The following LRRC39 variants were observed in gnomAD, a reference collection of about 807,000 sequenced individuals.
The protein encoded by LRRC39 is leucine rich repeat containing 39.
Under a neutral mutation model 39.7 loss-of-function variants are expected in LRRC39, and 35 were observed. The observed-to-expected ratio is 0.88, with a 90% CI of 0.67 to 1.17. LRRC39 has a LOEUF of 1.17. Ranked by LOEUF, LRRC39 falls within the 50% of genes most tolerant of loss-of-function variation. The probability of loss-of-function intolerance (pLI) is 0.00; values close to 1 mark genes in which losing one functional copy is unlikely to be tolerated. For missense variants in LRRC39, 357 were observed against 385.8 expected, an observed-to-expected ratio of 0.93 and a Z score of 0.62; for synonymous variants, 113 against 134.1, an observed-to-expected ratio of 0.84 and a Z score of 1.09.
intron 8 of LRRC39, among the ~76,000 whole-genome samples, chr1:100,153,539 A>C (rs918693258): frequency 6.6e-6 from 1 of 152,212 alleles, no homozygotes; most frequent in Non-Finnish European, 1.5e-5. Context: ...AATATATGTA[A>C]ATTATACATC....
Position 100,159,290 on chromosome 1 carries a change from T to C in LRRC39, c.345A>G (p.Arg115=), listed in dbSNP as rs767432652. 8 of 1,606,962 alleles carry C rather than the reference T, an allele frequency of 5.0e-6. No homozygotes were observed. The Admixed American group carries it at 8.5e-5, about 17-fold the overall frequency. ...FQNLIVLDLS[R]NTISEIPPGI... ...CTGGTGGTATCTCTGAAATTGTGTT[T>C]CGAGATAAATCTAACACAATGAGGT... The change falls in exon 5 of 10, where the codon CGA becomes CGG. Residue 115 remains arginine (R), a synonymous_variant. Transcript: ENST00000370137.
intron 2 of LRRC39, among the ~76,000 whole-genome samples, chr1:100,171,336 T>A (rs1187997546): frequency 6.6e-6 from 1 of 152,056 alleles, no homozygotes; most frequent in African/African-American, 2.4e-5. Flanking sequence ...AAAAATCTCA[T>A]ATTGGGGTCA....
chr1:100,165,419 A>C (rs1224065357), intron 3 of LRRC39, among the ~76,000 whole-genome samples: 1 of 152,102 alleles, frequency 6.6e-6, no homozygotes, highest in African/African-American at 2.4e-5. Context: ...CCTTTTATCA[A>C]AACTTTAGCC....
At chr1:100,155,652 A>G (rs2101768942) in intron 7 of LRRC39, among the ~76,000 whole-genome samples, 1 of 152,338 alleles carries the variant, frequency 6.6e-6, no homozygotes, top group Admixed American at 6.5e-5. Flanking sequence ...CAGAGTCTTA[A>G]GAGAACAATA....
chr1:100,173,621 G>A (rs1659774880), intron 1 of LRRC39, among the ~76,000 whole-genome samples: 1 of 152,022 alleles, frequency 6.6e-6, no homozygotes, highest in South Asian at 2.1e-4. Flanking sequence ...TCTACCCATT[G>A]CATAAAAGCA....
chr1:100,157,079 ATATT>A (rs1658515729), intron 6 of LRRC39, among the ~76,000 whole-genome samples: 1 of 152,162 alleles, frequency 6.6e-6, no homozygotes, highest in Admixed American at 6.5e-5. Flanking sequence ...TAGAAATAAA[ATATT>A]TATTGGCCCT....
At chr1:100,156,563 C>T (rs939717046) in intron 6 of LRRC39, among the ~76,000 whole-genome samples, 4 of 152,184 alleles carry the variant, frequency 2.6e-5, no homozygotes, top group Non-Finnish European at 5.9e-5. Flanking sequence ...AACCTGGTTT[C>T]AGGGTTTATA....
intron 1 of LRRC39, among the ~76,000 whole-genome samples, chr1:100,177,261 A>G (rs1044537714): frequency 1.3e-5 from 2 of 152,228 alleles, no homozygotes; most frequent in Non-Finnish European, 2.9e-5. Context: ...TCTAGGGAGC[A>G]GGACTGGTGA....
At chr1:100,166,031 T>C (rs939181739) in intron 3 of LRRC39, among the ~76,000 whole-genome samples, 12 of 152,080 alleles carry the variant, frequency 7.9e-5, no homozygotes, top group Non-Finnish European at 1.2e-4. Context: ...TGAGCCACCA[T>C]GTCTGGCTGA....
At chr1:100,169,271 A>C (rs1187079994) in intron 2 of LRRC39, among the ~76,000 whole-genome samples, 1 of 152,106 alleles carries the variant, frequency 6.6e-6, no homozygotes, top group Non-Finnish European at 1.5e-5. Flanking sequence ...CAGGAATGCA[A>C]AGACATTCAC....
Position 100,155,126 on chromosome 1 carries a change from T to G in LRRC39, c.737A>C (p.Asn246Thr). The G allele has an allele frequency of 6.2e-7, 1 of 1,611,600 alleles. No homozygotes were observed. Among genetic ancestry groups the G allele is most frequent in the African/African-American group, 1.3e-5 (1 of 74,916 alleles). Residue 246 changes from asparagine (N) to threonine (T), a missense_variant, in exon 8 of 10, where the codon AAT becomes ACT. Coordinates refer to ENST00000370137, the MANE Select transcript of LRRC39 (RefSeq NM_144620.4). ...GTTGCTGAGAACAAGAGTACCCAGA[T>G]TTTTCATATTGCTGATTGTTTGAGG... The part of the protein sequence containing the change: ...CLPQTISNMK[N>T]LGTLVLSNNK...
chr1:100,148,566 A>T lies in LRRC39; in HGVS notation c.*476T>A. ...CTCTCAATAAATAGTGACAAAAATA[A>T]TTTTTTATAAACTTTTGCAAAATTT... On this transcript the variant is annotated 3_prime_UTR_variant, in exon 10 of 10. Transcript: ENST00000370137. The T allele has an allele frequency of 5.4e-6, 8 of 1,469,130 alleles. No individual in the cohort carries two copies. Among genetic ancestry groups the T allele is most frequent in the Non-Finnish European group, 7.5e-6 (8 of 1,073,196 alleles). The allele number at this position is 1,469,130 out of a possible 1,614,324, so 91.0% of individuals were successfully genotyped here.
In LRRC39 at chr1:100,168,477, C is replaced by T. The variant is rs1468777192; in HGVS notation, c.40G>A (p.Val14Ile). Residue 14 changes from valine to isoleucine, a missense_variant, in exon 3 of 10, where the codon GTA (valine) becomes ATA (isoleucine). Physicochemically the swap from Val to Ile is conservative, Grantham distance 29. Transcript: ENST00000370137. Reference sequence around the variant, plus strand: ...ATTCTTTTTTCCCAAACTTCCTTTACAGCATTGACAGCCCCAGTACAAACC... The same window carrying T: ...ATTCTTTTTTCCCAAACTTCCTTTATAGCATTGACAGCCCCAGTACAAACC... ...NVVCTGAVNAVKEVWEKRIKK... is the reference protein window; with the variant it reads ...NVVCTGAVNAIKEVWEKRIKK... The T allele has an allele frequency of 1.2e-6, 2 of 1,612,372 alleles. No homozygotes were observed. Among genetic ancestry groups the T allele is most frequent in the East Asian group, 2.2e-5 (1 of 44,760 alleles).
At position 100,152,399 on chromosome 1, in the gene LRRC39, G is replaced by A; in HGVS notation, c.938C>T (p.Ser313Leu). The change falls in exon 9 of 10, where the codon TCA (serine) becomes TTA (leucine). Residue 313 changes from serine (S) to leucine (L), a missense_variant. Physicochemically the swap from Ser to Leu is moderately radical, Grantham distance 145 (BLOSUM62 -2). Coordinates refer to ENST00000370137, the MANE Select transcript of LRRC39 (RefSeq NM_144620.4). Reference sequence around the variant, plus strand: ...AAATCTTATACCTGCTCTTCTCCGTGACTCTTGTATGTATGTGTGCATAAA... The same window carrying A: ...AAATCTTATACCTGCTCTTCTCCGTAACTCTTGTATGTATGTGTGCATAAA... ...LQFMHTYIQESRRRADHQVNG... is the reference protein window; with the variant it reads ...LQFMHTYIQELRRRADHQVNG... 6.2e-7 allele frequency: 1 copy of A among 1,613,660 alleles called. No homozygotes were observed. The highest frequency in any genetic ancestry group is 8.5e-7 in the Non-Finnish European group (1 of 1,179,854).
Position 100,159,325 on chromosome 1 carries a change from T to C in LRRC39, c.310A>G (p.Arg104Gly), listed in dbSNP as rs755462063. 1.4e-5 allele frequency: 22 copies of C among 1,611,344 alleles called. No homozygotes were observed. The highest frequency in any genetic ancestry group is 1.7e-5 in the Non-Finnish European group (20 of 1,178,750). Residue 104 changes from arginine (R) to glycine (G), a missense_variant, in exon 5 of 10, where the codon AGA becomes GGA. By Grantham distance (125) the Arg-to-Gly change is moderately radical. Coordinates refer to ENST00000370137, the MANE Select transcript of LRRC39 (RefSeq NM_144620.4). ...GLLKIPEFIGRFQNLIVLDLS... is the reference protein window; with the variant it reads ...GLLKIPEFIGGFQNLIVLDLS... ...TCTAACACAATGAGGTTCTGGAATC[T>C]TCCAATGAATTCAGGAATTTTCAGC...
Position 100,168,419 on chromosome 1 carries a change from T to G in LRRC39, c.98A>C (p.Lys33Thr), listed in dbSNP as rs778809327. 2.5e-6 allele frequency: 4 copies of G among 1,606,666 alleles called. No individual in the cohort carries two copies. The highest frequency in any genetic ancestry group is 2.2e-5 in the East Asian group (1 of 44,684). The change falls in exon 3 of 10, where the codon AAG (lysine) becomes ACG (threonine). Residue 33 changes from lysine (K) to threonine (T), a missense_variant. Coordinates refer to ENST00000370137, the MANE Select transcript of LRRC39 (RefSeq NM_144620.4). Reference sequence around the variant, plus strand: ...TTTAGCATACTTGTGTTGAAATTCCTTCTCTCGCTTCAGGTCTTCATTGAG... The same window carrying G: ...TTTAGCATACTTGTGTTGAAATTCCGTCTCTCGCTTCAGGTCTTCATTGAG... ...KKLNEDLKRE[K>T]EFQHKLVRIW...
At chr1:100,175,483 T>C (rs1659894910) in intron 1 of LRRC39, among the ~76,000 whole-genome samples, 1 of 152,026 alleles carries the variant, frequency 6.6e-6, no homozygotes. Flanking sequence ...CTGCTGTGCC[T>C]GGCCAGTTAT....
intron 9 of LRRC39, chr1:100,149,411 C>G (rs1386469167): frequency 6.5e-7 from 1 of 1,543,816 alleles, no homozygotes; most frequent in Non-Finnish European, 8.7e-7. Flanking sequence ...CAGAATCTGT[C>G]CATGACAAAC....
intron 2 of LRRC39, 81 bp downstream of exon 2, chr1:100,173,250 C>G (rs532305432): frequency 6.7e-6 from 1 of 149,462 alleles, no homozygotes; most frequent in African/African-American, 2.5e-5. Flanking sequence ...AAAAAAAAAA[C>G]AAAACAAAAC....
Sources: allele counts gnomAD v4.1 joint callset (sites outside exome capture counted in the v4.1 genomes callset), GRCh38; gene constraint gnomAD v4.1.1; transcripts MANE v1.5; gene names NCBI Gene and HGNC (gene_info 2026-07-23, HGNC 2026-07-21).